GRM8: variants seen among roughly 807,000 people sequenced by gnomAD.
GRM8 encodes the protein metabotropic glutamate receptor 8.
In GRM8, 47 loss-of-function variants were observed where a neutral mutation model predicts 87.2. That is an observed-to-expected ratio of 0.54 (90% CI 0.43 to 0.69). The LOEUF is 0.69. Ranked by LOEUF, GRM8 falls within the 30% of genes least tolerant of loss-of-function variation. The pLI, the probability that GRM8 is intolerant of heterozygous loss-of-function variation, is 0.00. For missense variants in GRM8, 1,019 were observed against 1,139.2 expected (o/e 0.89, Z 1.52); for synonymous variants, 396 against 404.5 (o/e 0.98, Z 0.25).
chr7:127,183,899 A>G (rs1421258796), intron 2 of GRM8, among the ~76,000 whole-genome samples: 2 of 151,828 alleles, frequency 1.3e-5, no homozygotes, highest in Non-Finnish European at 3.0e-5. Context: ...AGTACAAACA[A>G]CTCTCTGCCC....
chr7:126,899,923 T>C (rs1801903047), intron 6 of GRM8, among the ~76,000 whole-genome samples: 1 of 152,004 alleles, frequency 6.6e-6, no homozygotes, highest in Non-Finnish European at 1.5e-5. Context: ...CACCCTTATC[T>C]CTCAGCTGCA....
intron 6 of GRM8, among the ~76,000 whole-genome samples, chr7:126,853,807 A>G (rs1797440014): frequency 6.6e-6 from 1 of 151,990 alleles, no homozygotes; most frequent in Non-Finnish European, 1.5e-5. Flanking sequence ...TTGCTCTCCA[A>G]CTTCTCCGTT....
chr7:126,841,493 C>T (rs1018967764), intron 6 of GRM8, among the ~76,000 whole-genome samples: 8 of 152,022 alleles, frequency 5.3e-5, no homozygotes, highest in Non-Finnish European at 1.2e-4. Context: ...CATCACAAGT[C>T]CCAGAATGTC....
chr7:126,976,979 A>G (rs1048961094), intron 3 of GRM8, among the ~76,000 whole-genome samples: 1 of 152,114 alleles, frequency 6.6e-6, no homozygotes, highest in African/African-American at 2.4e-5. Context: ...AAGAAGATAA[A>G]GACTGATTTG....
At chr7:126,578,935 C>A (rs1053242013) in intron 8 of GRM8, among the ~76,000 whole-genome samples, 3 of 152,108 alleles carry the variant, frequency 2.0e-5, no homozygotes, top group African/African-American at 7.2e-5. Context: ...TGTCATAACC[C>A]TACAAGGAAA....
At chr7:126,600,233 T>A (rs192601065) in intron 8 of GRM8, among the ~76,000 whole-genome samples, 176 of 152,284 alleles carry the variant, frequency 1.2e-3, no homozygotes, top group African/African-American at 4.1e-3. Context: ...TCCGTTGATA[T>A]CTGGAAATAC....
At chr7:126,921,413 C>T (rs868760922) in intron 3 of GRM8, among the ~76,000 whole-genome samples, 2 of 151,842 alleles carry the variant, frequency 1.3e-5, no homozygotes, top group Admixed American at 1.3e-4. Context: ...AAAATAGAGG[C>T]CATTACCAAA....
intron 9 of GRM8, chr7:126,512,053 G>A (rs1180094935): frequency 6.6e-6 from 1 of 151,966 alleles, no homozygotes; most frequent in Non-Finnish European, 1.5e-5. Context: ...GTTAAGAAAG[G>A]CATTTTCTGC....
At chr7:126,511,828 A>C (rs1811419159) in intron 9 of GRM8, 1 of 152,168 alleles carries the variant, frequency 6.6e-6, no homozygotes, top group Admixed American at 6.6e-5. Flanking sequence ...GCTGTGAGTT[A>C]TAAAGTTCAT....
At chr7:126,469,579 G>C (rs1804909529) in intron 9 of GRM8, among the ~76,000 whole-genome samples, 1 of 152,026 alleles carries the variant, frequency 6.6e-6, no homozygotes, top group Non-Finnish European at 1.5e-5. Context: ...GTTCTCATGA[G>C]ACCTGATGGT....
chr7:127,058,723 G>C (rs563006281), intron 3 of GRM8, among the ~76,000 whole-genome samples: 1 of 152,200 alleles, frequency 6.6e-6, no homozygotes, highest in Non-Finnish European at 1.5e-5. Context: ...TGTGTTGAAA[G>C]CTGTGAGAGA....
At chr7:126,494,206 A>T (rs1316614094) in intron 9 of GRM8, among the ~76,000 whole-genome samples, 2 of 152,048 alleles carry the variant, frequency 1.3e-5, no homozygotes, top group African/African-American at 4.8e-5. Flanking sequence ...CAGCAGCATG[A>T]CTGTAATTCT....
intron 7 of GRM8, among the ~76,000 whole-genome samples, chr7:126,703,520 T>A (rs1214396945): frequency 6.6e-6 from 1 of 152,168 alleles, no homozygotes; most frequent in East Asian, 1.9e-4. Context: ...CGTTTTAACA[T>A]AAGAGTCAGA....
intron 6 of GRM8, among the ~76,000 whole-genome samples, chr7:126,896,295 A>C (rs908351074): frequency 6.6e-6 from 1 of 151,928 alleles, no homozygotes; most frequent in East Asian, 1.9e-4. Context: ...CTGCTATTTT[A>C]CTTGCGAAGA....
At chr7:126,587,925 A>G (rs1585137748) in intron 8 of GRM8, among the ~76,000 whole-genome samples, 1 of 152,116 alleles carries the variant, frequency 6.6e-6, no homozygotes, top group East Asian at 1.9e-4. Context: ...AAAAAAAAGA[A>G]AAAGAAAGAA....
chr7:126,803,936 A>G (rs1232126260), intron 6 of GRM8, among the ~76,000 whole-genome samples: 1 of 152,258 alleles, frequency 6.6e-6, no homozygotes, highest in African/African-American at 2.4e-5. Flanking sequence ...CACTAATACT[A>G]TTATCATGAC....
intron 8 of GRM8, among the ~76,000 whole-genome samples, chr7:126,542,597 T>C (rs10255681): frequency 0.012 from 1,903 of 152,268 alleles, 41 homozygotes; most frequent in African/African-American, 0.039. Context: ...ATGTACACTG[T>C]AATCACTGTA....
chr7:127,180,973 AG>A (rs1330680500), intron 2 of GRM8, among the ~76,000 whole-genome samples: 1 of 152,130 alleles, frequency 6.6e-6, no homozygotes, highest in Non-Finnish European at 1.5e-5. Flanking sequence ...TCTTCAACAT[AG>A]TACTGGAAGT....
chr7:126,470,385 C>T (rs1419602803), intron 9 of GRM8, among the ~76,000 whole-genome samples: 4 of 139,888 alleles, frequency 2.9e-5, no homozygotes, highest in Non-Finnish European at 6.1e-5. Flanking sequence ...GTTCCCCTTC[C>T]TGTGTCCATG....
Sources: gnomAD v4.1 joint callset for allele counts (sites outside exome capture counted in the v4.1 genomes callset) on GRCh38, gnomAD v4.1.1 for gene constraint, MANE v1.5 for transcripts, NCBI Gene and HGNC (gene_info 2026-07-23, HGNC 2026-07-21) for gene names.